Variants in DPP10 observed in about 807,000 individuals in gnomAD.
DPP10 encodes dipeptidyl peptidase like 10.
DPP10 carries 33 observed loss-of-function variants against 120.9 expected under a neutral mutation model. That is an observed-to-expected ratio of 0.27 (90% CI 0.21 to 0.37). The LOEUF is 0.37. DPP10 is among the 10% of genes least tolerant of loss of function. DPP10 has a pLI of 1.00. For missense variants in DPP10, 816 were observed against 942.8 expected, an observed-to-expected ratio of 0.87 and a Z score of 1.76; for synonymous variants, 337 against 326.1, an observed-to-expected ratio of 1.03 and a Z score of -0.36.
chr2:115,159,282 C>G lies in DPP10; in HGVS notation c.61-149957C>G, dbSNP rs2052124822. On this transcript the variant is annotated intron_variant, in intron 1 of 25. Coordinates refer to ENST00000410059, the MANE Select transcript of DPP10 (RefSeq NM_020868.6). ...GACAATGCCGGCTAACACGGTGAAA[C>G]CCCGTCTCCACTAAAAATGCAAAAA... Among the ~76,000 whole-genome samples, 2 of 152,080 alleles carry G rather than the reference C, an allele frequency of 1.3e-5. 1 individual carries two copies. Among genetic ancestry groups the G allele is most frequent in the South Asian group, 4.1e-4 (2 of 4,826 alleles).
chr2:115,241,359 T>A (rs2058270409), intron 1 of DPP10, among the ~76,000 whole-genome samples: 1 of 152,222 alleles, frequency 6.6e-6, no homozygotes, highest in African/African-American at 2.4e-5. Context: ...TAGACTAATA[T>A]GTTCAGTATC....
intron 1 of DPP10, among the ~76,000 whole-genome samples, chr2:115,146,078 C>A (rs998809598): frequency 6.6e-6 from 1 of 151,954 alleles, no homozygotes; most frequent in Non-Finnish European, 1.5e-5. Flanking sequence ...GAAAAAAATC[C>A]TGAAGTTGAG....
chr2:115,714,699 C>T (rs1275642991), intron 7 of DPP10, among the ~76,000 whole-genome samples: 1 of 152,158 alleles, frequency 6.6e-6, no homozygotes. Context: ...TTTTCTCATA[C>T]TAGTTTCTCT....
chr2:115,245,005 T>A (rs1052939726), intron 1 of DPP10, among the ~76,000 whole-genome samples: 4 of 151,800 alleles, frequency 2.6e-5, no homozygotes, highest in Admixed American at 2.6e-4. Context: ...CTCAGCCCCT[T>A]CCCCCCGAGT....
chr2:115,504,328 G>T (rs1194444830), intron 4 of DPP10, among the ~76,000 whole-genome samples: 1 of 149,114 alleles, frequency 6.7e-6, no homozygotes, highest in African/African-American at 2.5e-5. Context: ...TAAGATAGAG[G>T]ATAAAAACTG....
At chr2:115,209,457 ATAGC>A (rs1329249229) in intron 1 of DPP10, among the ~76,000 whole-genome samples, 6 of 152,320 alleles carry the variant, frequency 3.9e-5, no homozygotes, top group Admixed American at 2.0e-4. Context: ...GAAATAATCT[ATAGC>A]TAAGTGAAAC....
chr2:114,864,919 T>C (rs948674514), intron 1 of DPP10, among the ~76,000 whole-genome samples: 5 of 152,128 alleles, frequency 3.3e-5, no homozygotes, highest in African/African-American at 4.8e-5. Context: ...GTAATCCTAA[T>C]AATAACGTAA....
intron 3 of DPP10, among the ~76,000 whole-genome samples, chr2:115,429,790 GACAAAT>G (rs1392958726): frequency 6.6e-6 from 1 of 152,110 alleles, no homozygotes; most frequent in Non-Finnish European, 1.5e-5. Flanking sequence ...GTAGATATGG[GACAAAT>G]ACTTATTAGC....
chr2:115,773,393 G>T (rs993629799), intron 13 of DPP10, among the ~76,000 whole-genome samples: 10 of 151,950 alleles, frequency 6.6e-5, no homozygotes, highest in Admixed American at 2.6e-4. Context: ...TGAATTGAAG[G>T]TCACTTGTCT....
intron 1 of DPP10, among the ~76,000 whole-genome samples, chr2:115,121,620 G>A (rs1039069013): frequency 1.3e-5 from 2 of 152,276 alleles, no homozygotes; most frequent in Non-Finnish European, 2.9e-5. Context: ...CTCCCATTTG[G>A]CCCATTTGGG....
chr2:114,900,295 A>G (rs1307876657), intron 1 of DPP10, among the ~76,000 whole-genome samples: 1 of 152,204 alleles, frequency 6.6e-6, no homozygotes, highest in Admixed American at 6.5e-5. Flanking sequence ...CACATCTGCT[A>G]TTGGATGTTG....
chr2:114,716,977 AC>A (rs937483122), intron 1 of DPP10, among the ~76,000 whole-genome samples: 1 of 152,134 alleles, frequency 6.6e-6, no homozygotes, highest in Non-Finnish European at 1.5e-5. Context: ...AAGAAACAAA[AC>A]TGCCACTTGA....
intron 1 of DPP10, among the ~76,000 whole-genome samples, chr2:114,755,215 T>C (rs989478062): frequency 2.0e-5 from 3 of 152,228 alleles, no homozygotes; most frequent in African/African-American, 7.2e-5. Flanking sequence ...ATTAACTTAT[T>C]CATTCAATAA....
At chr2:115,161,765 G>T in intron 1 of DPP10, 2 of 489,660 alleles carry the variant, frequency 4.1e-6, no homozygotes, top group South Asian at 7.2e-5. Flanking sequence ...GGTGGCCGAG[G>T]GAGGGACCCT....
intron 1 of DPP10, among the ~76,000 whole-genome samples, chr2:114,658,381 A>G (rs1176423385): frequency 2.6e-5 from 4 of 152,204 alleles, no homozygotes; most frequent in African/African-American, 7.2e-5. Context: ...TAGGAGATTA[A>G]TGAGAAAGAA....
intron 8 of DPP10, among the ~76,000 whole-genome samples, chr2:115,738,638 T>A (rs570187901): frequency 6.6e-6 from 1 of 152,306 alleles, no homozygotes; most frequent in African/African-American, 2.4e-5. Context: ...CCACCACTGA[T>A]GATTGATTAC....
At chr2:114,726,699 T>C (rs1035862757) in intron 1 of DPP10, among the ~76,000 whole-genome samples, 12 of 152,226 alleles carry the variant, frequency 7.9e-5, no homozygotes, top group African/African-American at 2.2e-4. Flanking sequence ...ATGGAAATCA[T>C]TGGGCATGTC....
chr2:114,512,496 C>T (rs1684228783), intron 1 of DPP10, among the ~76,000 whole-genome samples: 1 of 152,168 alleles, frequency 6.6e-6, no homozygotes, highest in Non-Finnish European at 1.5e-5. Flanking sequence ...ATGAGATGCA[C>T]AACTTGGAGG....
At chr2:114,642,451 C>A (rs1045877966) in intron 1 of DPP10, among the ~76,000 whole-genome samples, 1 of 151,834 alleles carries the variant, frequency 6.6e-6, no homozygotes, top group Non-Finnish European at 1.5e-5. Context: ...CAAAATTAAA[C>A]AAAAACTAAG....
Sources: gnomAD v4.1 joint callset for allele counts (sites outside exome capture counted in the v4.1 genomes callset) on GRCh38, gnomAD v4.1.1 for gene constraint, MANE v1.5 for transcripts, NCBI Gene and HGNC (gene_info 2026-07-23, HGNC 2026-07-21) for gene names.